The following LARP1B variants were observed in gnomAD, a reference collection of about 807,000 sequenced individuals.
The protein encoded by LARP1B is la-related protein 1B.
A neutral mutation model predicts 114.2 loss-of-function variants in LARP1B; 76 were observed. The observed-to-expected ratio is 0.67, with a 90% CI of 0.55 to 0.81. The LOEUF is 0.81. Among genes scored for constraint, LARP1B ranks in the 30% least tolerant of loss-of-function variants. The pLI is 0.00. For missense variants in LARP1B, 1,014 were observed against 1,075.8 expected (o/e 0.94, Z 0.80); for synonymous variants, 345 against 348.0 (o/e 0.99, Z 0.10).
chr4:128,134,883 T>G (rs2150140106), intron 11 of LARP1B, among the ~76,000 whole-genome samples: 1 of 152,196 alleles, frequency 6.6e-6, no homozygotes, highest in Middle Eastern at 3.4e-3. Context: ...GGTGGGTCAA[T>G]CACTTGAGGT....
rs182551808 is a variant in LARP1B at position 128,111,082 on chromosome 4, C to T, written c.989-3488C>T. 3.2e-3 allele frequency among the ~76,000 whole-genome samples: 480 copies of T among 150,222 alleles called. 3 individuals carry two copies. The highest frequency in any genetic ancestry group is 0.011 in the African/African-American group (457 of 40,814). On this transcript the variant is annotated intron_variant, in intron 9 of 19. Coordinates refer to ENST00000326639, the MANE Select transcript of LARP1B (RefSeq NM_018078.4). Reference sequence around the variant, plus strand: ...TTTTTTAAGAGATGGTGTCTTGCTCCGTTGCCCAGGCTGGAGTGCAATGGC... The same window carrying T: ...TTTTTTAAGAGATGGTGTCTTGCTCTGTTGCCCAGGCTGGAGTGCAATGGC...
At chr4:128,206,093 C>G (rs1757510693) in intron 17 of LARP1B, among the ~76,000 whole-genome samples, 1 of 152,206 alleles carries the variant, frequency 6.6e-6, no homozygotes, top group East Asian at 1.9e-4. Context: ...GAGTTTGAGA[C>G]CAGCCTGGCC....
At chr4:128,155,499 C>T (rs1226760804) in intron 11 of LARP1B, 6 of 790,066 alleles carry the variant, frequency 7.6e-6, no homozygotes, top group African/African-American at 6.7e-5. Flanking sequence ...AGTTCCACCT[C>T]GTGCCAAGGA....
At chr4:128,197,115 T>C (rs1754425620) in intron 15 of LARP1B, among the ~76,000 whole-genome samples, 1 of 152,202 alleles carries the variant, frequency 6.6e-6, no homozygotes, top group Non-Finnish European at 1.5e-5. Flanking sequence ...TGAGTCTAGA[T>C]AGTGGTGATG....
At chr4:128,103,507 GT>G (rs1260665888) in intron 8 of LARP1B, among the ~76,000 whole-genome samples, 4 of 150,476 alleles carry the variant, frequency 2.7e-5, no homozygotes, top group Admixed American at 6.6e-5. Context: ...GTTTGTTTAT[GT>G]AAGAGAATAC....
chr4:128,128,614 C>T (rs1561334596), intron 11 of LARP1B, among the ~76,000 whole-genome samples: 1 of 152,140 alleles, frequency 6.6e-6, no homozygotes, highest in Non-Finnish European at 1.5e-5. Flanking sequence ...TGCTGCTGCC[C>T]TGCATTGCAA....
intron 11 of LARP1B, among the ~76,000 whole-genome samples, chr4:128,134,018 T>A (rs1260965600): frequency 6.7e-6 from 1 of 149,160 alleles, no homozygotes; most frequent in African/African-American, 2.5e-5. Context: ...TTTTTTTTTT[T>A]AAGACAGTTT....
intron 1 of LARP1B, among the ~76,000 whole-genome samples, chr4:128,072,602 G>A (rs2149362570): frequency 6.6e-6 from 1 of 151,786 alleles, no homozygotes; most frequent in East Asian, 1.9e-4. Flanking sequence ...TGTTGCCCAG[G>A]CTGGAGTGCA....
chr4:128,084,903 C>G (rs76865119), intron 5 of LARP1B, among the ~76,000 whole-genome samples: 1 of 151,706 alleles, frequency 6.6e-6, no homozygotes, highest in East Asian at 1.9e-4. Context: ...GTTCTGTTGC[C>G]CAGGTTGGAG....
At chr4:128,071,081 C>G (rs1765122642) in intron 1 of LARP1B, among the ~76,000 whole-genome samples, 1 of 151,970 alleles carries the variant, frequency 6.6e-6, no homozygotes, top group Admixed American at 6.6e-5. Flanking sequence ...GAGTCTCGCT[C>G]TGTCGCCCAG....
chr4:128,210,855 G>C lies in LARP1B; in HGVS notation c.*802G>C. ...GTAATTTAAAACCTGCATTGGGATT[G>C]ATTGGAATATTGTCCTAAATTAATT... On this transcript the variant is annotated 3_prime_UTR_variant, in exon 20 of 20. Transcript: ENST00000326639. 2.0e-6 allele frequency: 2 copies of C among 984,698 alleles called. No individual in the cohort carries two copies. The highest frequency in any genetic ancestry group is 2.4e-6 in the Non-Finnish European group (2 of 829,292). The allele number at this position is 984,698 out of a possible 1,614,324, so 61.0% of individuals were successfully genotyped here.
chr4:128,199,667 GTTGT>G, intron 16 of LARP1B, 68 bp downstream of exon 16: 8 of 799,920 alleles, frequency 1.0e-5, no homozygotes, highest in East Asian at 3.5e-5. Context: ...AAATTTAAAT[GTTGT>G]CATTTAATAT....
At chr4:128,091,176 A>C (rs919952674) in intron 6 of LARP1B, 32 bp downstream of exon 6, 1 of 1,599,146 alleles carries the variant, frequency 6.3e-7, no homozygotes, top group East Asian at 2.2e-5. Flanking sequence ...GTTAAATTAG[A>C]TAAACTTTGA....
intron 15 of LARP1B, among the ~76,000 whole-genome samples, chr4:128,188,123 C>A (rs1034289877): frequency 6.6e-6 from 1 of 150,680 alleles, no homozygotes; most frequent in African/African-American, 2.4e-5. Context: ...TGCCCAGGCT[C>A]AAGTGCAGTG....
intron 8 of LARP1B, among the ~76,000 whole-genome samples, chr4:128,104,741 C>T (rs1023124444): frequency 5.9e-5 from 9 of 152,080 alleles, no homozygotes; most frequent in Non-Finnish European, 1.2e-4. Flanking sequence ...CCACCGTGCC[C>T]GGCAACAGTT....
At chr4:128,088,968 A>G (rs1023833902) in intron 5 of LARP1B, among the ~76,000 whole-genome samples, 2 of 152,164 alleles carry the variant, frequency 1.3e-5, no homozygotes, top group African/African-American at 4.8e-5. Flanking sequence ...TGTTAAAAAA[A>G]AGGAAATGTT....
rs1328470944 is a variant in LARP1B at position 128,176,283 on chromosome 4, GTGTA to G, written c.1649-587_1649-584del. ...TATATACACATATGTGTGTGTGTGT[GTGTA>G]TATATATATATATATTTTTTTTTTA... On this transcript the variant is annotated intron_variant, in intron 12 of 19. Transcript: ENST00000326639. Among the ~76,000 whole-genome samples the G allele has an allele frequency of 3.0e-3, 337 of 111,206 alleles. 4 individuals are homozygous for G. Among genetic ancestry groups the G allele is most frequent in the African/African-American group, 0.013 (311 of 23,442 alleles). The allele number at this position is 111,206 out of a possible 152,430, so 73.0% of individuals were successfully genotyped here.
At chr4:128,081,833 C>G (rs567285587) in intron 4 of LARP1B, among the ~76,000 whole-genome samples, 1 of 152,308 alleles carries the variant, frequency 6.6e-6, no homozygotes, top group South Asian at 2.1e-4. Flanking sequence ...TTCCCAGGCT[C>G]AAGCTATTCT....
chr4:128,161,535 A>G (rs1041888743), intron 11 of LARP1B, among the ~76,000 whole-genome samples: 1 of 152,208 alleles, frequency 6.6e-6, no homozygotes, highest in Non-Finnish European at 1.5e-5. Context: ...ACCCAGTATT[A>G]AAGGTCTTCT....
Sources: allele counts gnomAD v4.1 joint callset (sites outside exome capture counted in the v4.1 genomes callset), GRCh38; gene constraint gnomAD v4.1.1; transcripts MANE v1.5; gene names NCBI Gene and HGNC (gene_info 2026-07-23, HGNC 2026-07-21).